Variants in GRM8 observed in about 807,000 individuals in gnomAD.
The protein encoded by GRM8 is glutamate metabotropic receptor 8.
GRM8 carries 47 observed loss-of-function variants against 87.2 expected under a neutral mutation model. That is an observed-to-expected ratio of 0.54 (90% CI 0.43 to 0.69). The LOEUF is 0.69. Among genes scored for constraint, GRM8 ranks in the 30% least tolerant of loss-of-function variants. The pLI, the probability that GRM8 is intolerant of heterozygous loss-of-function variation, is 0.00. For synonymous variants in GRM8, 396 were observed against 404.5 expected (o/e 0.98, Z 0.25); for missense variants, 1,019 against 1,139.2 (o/e 0.89, Z 1.52).
chr7:126,902,487 A>C, intron 6 of GRM8, 55 bp downstream of exon 6: 1 of 1,391,078 alleles, frequency 7.2e-7, no homozygotes, highest in Non-Finnish European at 9.7e-7. Flanking sequence ...TTATCAAGTA[A>C]TGAAAACAAA....
chr7:127,104,663 C>G (rs1353428833), intron 3 of GRM8, among the ~76,000 whole-genome samples: 1 of 152,114 alleles, frequency 6.6e-6, no homozygotes, highest in Non-Finnish European at 1.5e-5. Flanking sequence ...AAAAGATCAA[C>G]ACAGAAGAAA....
intron 7 of GRM8, among the ~76,000 whole-genome samples, chr7:126,769,645 CTTATT>C (rs56284853): frequency 0.37 from 55,732 of 151,532 alleles, 11,567 homozygotes; most frequent in Non-Finnish European, 0.46. Context: ...TTGACAGAGG[CTTATT>C]TTAAACTTTT....
chr7:127,121,788 G>A (rs1038959679), intron 2 of GRM8, among the ~76,000 whole-genome samples: 9 of 152,060 alleles, frequency 5.9e-5, no homozygotes, highest in African/African-American at 4.8e-5. Flanking sequence ...AGCACTAGGC[G>A]GATGGTCCTA....
At chr7:126,852,575 C>G (rs1382834320) in intron 6 of GRM8, among the ~76,000 whole-genome samples, 1 of 152,144 alleles carries the variant, frequency 6.6e-6, no homozygotes, top group Non-Finnish European at 1.5e-5. Flanking sequence ...TAGAACTGAA[C>G]TAGAAAGATT....
At chr7:126,652,335 G>A (rs1251467552) in intron 7 of GRM8, among the ~76,000 whole-genome samples, 4 of 152,050 alleles carry the variant, frequency 2.6e-5, no homozygotes, top group South Asian at 2.1e-4. Flanking sequence ...TCTCAGATGC[G>A]TATGGGTTCA....
At chr7:126,899,599 A>G (rs1052627383) in intron 6 of GRM8, among the ~76,000 whole-genome samples, 1 of 152,218 alleles carries the variant, frequency 6.6e-6, no homozygotes, top group African/African-American at 2.4e-5. Context: ...CTCTCTGATT[A>G]CGTATATGTT....
At chr7:127,035,421 G>A (rs573211332) in intron 3 of GRM8, among the ~76,000 whole-genome samples, 1 of 152,152 alleles carries the variant, frequency 6.6e-6, no homozygotes, top group Admixed American at 6.5e-5. Flanking sequence ...TTGACTGGCT[G>A]GTTGGATTGG....
chr7:126,938,903 C>T (rs1050684064), intron 3 of GRM8, among the ~76,000 whole-genome samples: 2 of 152,092 alleles, frequency 1.3e-5, no homozygotes, highest in African/African-American at 4.8e-5. Context: ...CTAGTTCTCC[C>T]AATTACAGGC....
At chr7:127,249,859 T>C (rs1002267303) in intron 1 of GRM8, among the ~76,000 whole-genome samples, 5 of 152,184 alleles carry the variant, frequency 3.3e-5, no homozygotes, top group African/African-American at 1.2e-4. Flanking sequence ...GCAAGTTTCC[T>C]GAACCTCCGC....
Position 126,455,352 on chromosome 7 carries a change from C to T in GRM8, c.2431-8980G>A, listed in dbSNP as rs77016730. 2.6e-3 allele frequency among the ~76,000 whole-genome samples: 395 copies of T among 151,522 alleles called. 4 individuals carry two copies. In the East Asian group the frequency reaches 0.037, roughly 14 times the overall value. ...CACCATCTGGCCCCCATAAATACAC[C>T]GAGAAGTGAAAGAGCAGGATTAATG... On this transcript the variant is annotated intron_variant, in intron 9 of 10. Coordinates refer to ENST00000339582, the MANE Select transcript of GRM8 (RefSeq NM_000845.3).
intron 2 of GRM8, among the ~76,000 whole-genome samples, chr7:127,194,452 AG>A (rs1026430738): frequency 2.0e-5 from 3 of 152,156 alleles, no homozygotes; most frequent in African/African-American, 7.2e-5. Flanking sequence ...TATAAAATAG[AG>A]TTTGAATAAA....
chr7:126,554,124 A>G (rs1428898365), intron 8 of GRM8, among the ~76,000 whole-genome samples: 2 of 152,142 alleles, frequency 1.3e-5, no homozygotes, highest in African/African-American at 4.8e-5. Context: ...GCTTCCTAAA[A>G]TTGTTTAAGC....
chr7:127,189,332 T>C (rs956745338), intron 2 of GRM8, among the ~76,000 whole-genome samples: 15 of 152,306 alleles, frequency 9.8e-5, no homozygotes, highest in African/African-American at 3.6e-4. Flanking sequence ...AGAAGTGGCT[T>C]TATTTAGGAC....
intron 7 of GRM8, among the ~76,000 whole-genome samples, chr7:126,740,864 C>T (rs775620974): frequency 4.6e-5 from 7 of 152,174 alleles, no homozygotes; most frequent in African/African-American, 7.2e-5. Context: ...CATTTCCCAA[C>T]GGAGAAACTC....
chr7:126,791,933 C>T (rs976798369), intron 6 of GRM8, among the ~76,000 whole-genome samples: 5 of 152,126 alleles, frequency 3.3e-5, no homozygotes, highest in South Asian at 2.1e-4. Flanking sequence ...TCAGTGAGAA[C>T]GTGGGCTTAC....
intron 2 of GRM8, among the ~76,000 whole-genome samples, chr7:127,175,779 T>C (rs1374322475): frequency 6.6e-6 from 1 of 152,178 alleles, no homozygotes; most frequent in African/African-American, 2.4e-5. Flanking sequence ...ACTTCCTTCA[T>C]GCAAAAAATA....
intron 6 of GRM8, among the ~76,000 whole-genome samples, chr7:126,843,334 A>G (rs1796440251): frequency 6.6e-6 from 1 of 152,256 alleles, no homozygotes; most frequent in African/African-American, 2.4e-5. Flanking sequence ...TCATTATCAC[A>G]TATGGCTTGT....
chr7:126,439,311 C>G (rs1474495501), intron 10 of GRM8, 143 bp from the exon 11 acceptor site: 2 of 613,454 alleles, frequency 3.3e-6, no homozygotes, highest in Non-Finnish European at 2.9e-6. Flanking sequence ...TTAAACCATT[C>G]ACAGTCATGC....
Position 127,243,183 on chromosome 7 carries a change from A to G in GRM8, c.22T>C (p.Ser8Pro). Residue 8 changes from serine (S) to proline (P), a missense_variant, in exon 2 of 11, where the codon TCA becomes CCA. By Grantham distance (74) the Ser-to-Pro change is moderately conservative. Transcript: ENST00000339582. MVCEGKR[S>P]ASCPCFFLLT... ...AGGAAGAAACAAGGGCAAGAGGCTGATCGCTTTCCCTCGCATACCATTTTC... is the reference window on the plus strand; with the variant it reads ...AGGAAGAAACAAGGGCAAGAGGCTGGTCGCTTTCCCTCGCATACCATTTTC... 1 of 1,609,948 alleles carries G rather than the reference A, an allele frequency of 6.2e-7. No individual in the cohort carries two copies. Among genetic ancestry groups the G allele is most frequent in the East Asian group, 2.2e-5 (1 of 44,876 alleles).
Sources: gnomAD v4.1 joint callset for allele counts (sites outside exome capture counted in the v4.1 genomes callset) on GRCh38, gnomAD v4.1.1 for gene constraint, MANE v1.5 for transcripts, NCBI Gene and HGNC (gene_info 2026-07-23, HGNC 2026-07-21) for gene names.